Variants in CBLC observed in about 807,000 individuals in gnomAD.
CBLC encodes E3 ubiquitin-protein ligase CBL-C.
A neutral mutation model predicts 58.6 loss-of-function variants in CBLC; 46 were observed. That is an observed-to-expected ratio of 0.79 (90% CI 0.62 to 1.00). The LOEUF (loss-of-function observed/expected upper bound fraction) is 1.00. Among genes scored for constraint, CBLC ranks in the 50% least tolerant of loss-of-function variants. The probability of loss-of-function intolerance (pLI) is 0.00; values close to 1 mark genes in which losing one functional copy is unlikely to be tolerated. For missense variants in CBLC, 655 were observed against 625.8 expected (o/e 1.05, Z -0.50); for synonymous variants, 271 against 264.2 (o/e 1.03, Z -0.25).
intron 9 of CBLC, among the ~76,000 whole-genome samples, chr19:44,795,644 A>AT (rs1160445638): frequency 6.6e-6 from 1 of 152,164 alleles, no homozygotes; most frequent in East Asian, 1.9e-4. Flanking sequence ...TAAAAAAAAA[A>AT]AGAAAAGATG....
chr19:44,791,732 C>CAAAAAA (rs774565610), intron 6 of CBLC, among the ~76,000 whole-genome samples: 1 of 76,712 alleles, frequency 1.3e-5, no homozygotes, highest in South Asian at 3.9e-4. Context: ...ACTGCGTCTC[C>CAAAAAA]AAAAAAAAAA....
At chr19:44,794,543 C>T (rs922670638) in intron 9 of CBLC, among the ~76,000 whole-genome samples, 1 of 146,846 alleles carries the variant, frequency 6.8e-6, no homozygotes, top group Non-Finnish European at 1.5e-5. Context: ...TGGCTCACTG[C>T]AACCTCCACC....
chr19:44,792,596 T>G, intron 7 of CBLC, 82 bp downstream of exon 7: 1 of 1,369,532 alleles, frequency 7.3e-7, no homozygotes, highest in South Asian at 1.5e-5. Flanking sequence ...CCATGCCTCA[T>G]TGATCATATG....
At chr19:44,786,120 A>G (rs1037485945) in intron 5 of CBLC, among the ~76,000 whole-genome samples, 1 of 151,810 alleles carries the variant, frequency 6.6e-6, no homozygotes, top group African/African-American at 2.4e-5. Flanking sequence ...ATTATCTTCT[A>G]TAAAATCACC....
chr19:44,791,749 A>T (rs901022640), intron 6 of CBLC, among the ~76,000 whole-genome samples: 1 of 151,870 alleles, frequency 6.6e-6, no homozygotes. Flanking sequence ...AAAAAAAAAA[A>T]ATGAGTGTAG....
At chr19:44,784,455 T>A (rs1364083056) in intron 5 of CBLC, 54 bp downstream of exon 5, 2 of 1,510,954 alleles carry the variant, frequency 1.3e-6, no homozygotes, top group Non-Finnish European at 1.8e-6. Flanking sequence ...GTTGGAAAGA[T>A]CTTGCATGTT....
rs774514447 is a variant in CBLC, at chr19:44,779,553, C to CT, written c.353+1284dup. On this transcript the variant is annotated intron_variant, in intron 1 of 10. Transcript: ENST00000647358. ...TTATATTAAATATTTTGTAGTGTCT[C>CT]TTTTTTTTTTTTTTTGGACACAAGG... 6.6e-3 allele frequency among the ~76,000 whole-genome samples: 902 copies of CT among 137,236 alleles called. 8 individuals are homozygous for CT. The highest frequency in any genetic ancestry group is 0.018 in the African/African-American group (652 of 35,390). The allele number at this position is 137,236 out of a possible 152,430, so 90.0% of individuals were successfully genotyped here. A position where few individuals can be genotyped will look rare whatever the true frequency, so the allele number is the denominator to read the frequency against.
intron 4 of CBLC, among the ~76,000 whole-genome samples, 180 bp downstream of exon 4, chr19:44,782,671 C>T (rs1465402492): frequency 6.6e-6 from 1 of 152,066 alleles, no homozygotes; most frequent in Non-Finnish European, 1.5e-5. Flanking sequence ...CCTCTTCTCT[C>T]GAGGCCTCCT....
At position 44,793,511 on chromosome 19, in the gene CBLC, A is replaced by G. The variant is rs1968106402; in HGVS notation, c.1175A>G (p.Glu392Gly). The G allele has an allele frequency of 6.2e-7, 1 of 1,612,470 alleles. No homozygotes were observed. Among genetic ancestry groups the G allele is most frequent in the Non-Finnish European group, 8.5e-7 (1 of 1,179,396 alleles). The change falls in exon 8 of 11, where the codon GAG becomes GGG. Residue 392 changes from glutamate to glycine, a missense_variant. Physicochemically the swap from Glu to Gly is moderately conservative, Grantham distance 98. Around this residue, in one of 3 missense-constraint regions of CBLC, gnomAD observed 371 missense variants for 370.8 expected, o/e 1.00. Transcript: ENST00000647358. ...DSQTCPFCRC[E>G]IKGWEAVSIY... Reference sequence around the variant, plus strand: ...CAGACCTGCCCCTTCTGCCGCTGCGAGATCAAGGGCTGGGAGGCCGTGAGT... The same window carrying G: ...CAGACCTGCCCCTTCTGCCGCTGCGGGATCAAGGGCTGGGAGGCCGTGAGT...
At position 44,792,429 on chromosome 19, in the gene CBLC, G is replaced by A; in HGVS notation, c.1052G>A (p.Cys351Tyr). 1 of 1,613,656 alleles carries A rather than the reference G, an allele frequency of 6.2e-7. No homozygotes were observed. Among genetic ancestry groups the A allele is most frequent in the Middle Eastern group, 1.6e-4 (1 of 6,062 alleles). Residue 351 changes from cysteine to tyrosine, a missense_variant, in exon 7 of 11, where the codon TGC becomes TAC. Physicochemically the swap from Cys to Tyr is radical, Grantham distance 194 (BLOSUM62 -2). Coordinates refer to ENST00000647358, the MANE Select transcript of CBLC (RefSeq NM_012116.4). The stretch of plus-strand genomic sequence containing the variant: ...GCCATGGACTCCACATTTGAGCTCT[G>A]CAAGATCTGTGCTGAGAGCAACAAG... ...YWAMDSTFEL[C>Y]KICAESNKDV...
In CBLC at chr19:44,780,899, C is replaced by T; in HGVS notation, c.354-6C>T. 3 of 1,610,816 alleles carry T rather than the reference C, an allele frequency of 1.9e-6. No individual in the cohort carries two copies. Among genetic ancestry groups the T allele is most frequent in the Non-Finnish European group, 2.5e-6 (3 of 1,179,758 alleles). On this transcript the variant is annotated splice_polypyrimidine_tract_variant and splice_region_variant and intron_variant, in intron 1 of 10. Coordinates refer to ENST00000647358, the MANE Select transcript of CBLC (RefSeq NM_012116.4). ...GGATAGCCAGAGTCCTTGCCCATCC[C>T]CACAGGCGACAGCTGGCCAAGCTGG...
chr19:44,794,371 C>A, intron 9 of CBLC, 90 bp downstream of exon 9: 2 of 1,211,966 alleles, frequency 1.7e-6, no homozygotes, highest in Non-Finnish European at 2.4e-6. Flanking sequence ...GGTGCCAGGG[C>A]AGGGACTCAT....
chr19:44,783,899 A>G (rs1419231358), intron 4 of CBLC, among the ~76,000 whole-genome samples: 2 of 152,164 alleles, frequency 1.3e-5, no homozygotes, highest in East Asian at 3.8e-4. Context: ...AACCTCTGTA[A>G]GAAAGGGGGC....
chr19:44,794,435 T>A (rs1968136511), intron 9 of CBLC, among the ~76,000 whole-genome samples, 154 bp downstream of exon 9: 1 of 151,800 alleles, frequency 6.6e-6, no homozygotes, highest in Non-Finnish European at 1.5e-5. Context: ...TTCCCTTGTT[T>A]TCATTCCCCC....
At chr19:44,786,781 C>G (rs947811699) in intron 5 of CBLC, among the ~76,000 whole-genome samples, 1 of 151,964 alleles carries the variant, frequency 6.6e-6, no homozygotes, top group African/African-American at 2.4e-5. Flanking sequence ...GGAGACAACA[C>G]TTCAGCTACT....
chr19:44,792,258 G>T (rs1968071302), intron 6 of CBLC, 125 bp from the exon 7 acceptor site: 12 of 1,006,980 alleles, frequency 1.2e-5, no homozygotes, highest in Non-Finnish European at 1.6e-5. Flanking sequence ...CCTCCAAAGT[G>T]CTGGGATTAC....
rs763685561 is a variant in CBLC at position 44,797,574 on chromosome 19, C to CTTTTT, written c.1363-2796_1363-2792dup. ...AACTTTTGCTATGTGCCTGGCATTGCTTTTTTTTTTTTTTTAAGATGGGGT... is the reference window on the plus strand; with the variant it reads ...AACTTTTGCTATGTGCCTGGCATTGCTTTTTTTTTTTTTTTTTTTTAAGATGGGGT... On this transcript the variant is annotated intron_variant, in intron 9 of 10. Coordinates refer to ENST00000647358, the MANE Select transcript of CBLC (RefSeq NM_012116.4). Among the ~76,000 whole-genome samples the CTTTTT allele has an allele frequency of 6.0e-5, 8 of 133,212 alleles. 1 individual carries two copies. The highest frequency in any genetic ancestry group is 8.0e-5 in the Non-Finnish European group (5 of 62,854). 87.4% of individuals were successfully genotyped at this position (133,212 alleles called of 152,430 possible).
At chr19:44,794,771 T>G (rs944581463) in intron 9 of CBLC, among the ~76,000 whole-genome samples, 1 of 151,882 alleles carries the variant, frequency 6.6e-6, no homozygotes, top group African/African-American at 2.4e-5. Context: ...CCTCAAGGAC[T>G]TTCTAGCTCT....
chr19:44,790,462 A>G (rs2965117), intron 6 of CBLC, among the ~76,000 whole-genome samples: 14,780 of 151,972 alleles, frequency 0.097, 2,059 homozygotes, highest in African/African-American at 0.31. Context: ...TTAGAGACAG[A>G]ATCTCTTCTG....
Sources: allele counts gnomAD v4.1 joint callset (sites outside exome capture counted in the v4.1 genomes callset), GRCh38; gene constraint gnomAD v4.1.1; regional missense constraint gnomAD v4.1.1; transcripts MANE v1.5; gene names NCBI Gene and HGNC (gene_info 2026-07-23, HGNC 2026-07-21).